The following KDM2B variants were observed in gnomAD, a reference collection of about 807,000 sequenced individuals.
KDM2B encodes the protein lysine demethylase 2B.
A neutral mutation model predicts 150.0 loss-of-function variants in KDM2B; 26 were observed. The observed-to-expected ratio is 0.17, with a 90% CI of 0.13 to 0.24. The LOEUF (loss-of-function observed/expected upper bound fraction) is 0.24. KDM2B is among the 10% of genes least tolerant of loss of function. The probability of loss-of-function intolerance (pLI) is 1.00; values close to 1 mark genes in which losing one functional copy is unlikely to be tolerated. For synonymous variants in KDM2B, 734 were observed against 729.5 expected, an observed-to-expected ratio of 1.01 and a Z score of -0.10; for missense variants, 1,265 against 1,816.9, an observed-to-expected ratio of 0.70 and a Z score of 5.52.
intron 8 of KDM2B, chr12:121,524,616 A>G (rs1164620889): frequency 2.4e-6 from 1 of 410,596 alleles, no homozygotes; most frequent in Non-Finnish European, 4.9e-6. Context: ...CATTACCCAC[A>G]TGCCTCCCTC....
chr12:121,414,270 A>C, the KDM2B span, among the ~76,000 whole-genome samples: 2,387 of 152,360 alleles, frequency 0.016, 49 homozygotes, highest in East Asian at 0.13. Context: ...ATTACCTATC[A>C]CATTATCTAG....
chr12:121,512,852 A>G (rs1549349), intron 10 of KDM2B, among the ~76,000 whole-genome samples: 129,562 of 152,274 alleles, frequency 0.85, 55,758 homozygotes, highest in East Asian at 1. Flanking sequence ...GACAGCCTTG[A>G]GTTTTCAGAG....
At chr12:121,439,632 G>A (rs983585293) in intron 22 of KDM2B, among the ~76,000 whole-genome samples, 2 of 151,914 alleles carry the variant, frequency 1.3e-5, no homozygotes, top group African/African-American at 2.4e-5. Context: ...CACCTGCCTC[G>A]GCCTCCCAAC....
chr12:121,575,739 G>A lies in KDM2B; in HGVS notation c.350+42C>T, dbSNP rs1555316761. 1.5e-6 allele frequency: 2 copies of A among 1,347,354 alleles called. No homozygotes were observed. Among genetic ancestry groups the A allele is most frequent in the Admixed American group, 1.7e-5 (1 of 59,676 alleles). 83.5% of individuals were successfully genotyped at this position (1,347,354 alleles called of 1,614,324 possible). A position where few individuals can be genotyped will look rare whatever the true frequency, so the allele number is the denominator to read the frequency against. On this transcript the variant is annotated intron_variant, in intron 3 of 22. Transcript: ENST00000377071. The surrounding 1 kb of genome is among the most constrained non-coding windows in gnomAD (Gnocchi z 4.4). ...CATCCCAAGCTATAAAGTATGTTAG[G>A]GAGGAAGACGGGGGAAGGAGTGATT...
In KDM2B at chr12:121,536,064, G is replaced by A. The variant is rs1215832168; in HGVS notation, c.684-1474C>T. On this transcript the variant is annotated intron_variant, in intron 6 of 22. Coordinates refer to ENST00000377071, the MANE Select transcript of KDM2B (RefSeq NM_032590.5). ...TTGCCTTTCCATGGTTTGGGGAAGAGGGAAGGAATGGGGCGGGGACGGACA... is the reference window on the plus strand; with the variant it reads ...TTGCCTTTCCATGGTTTGGGGAAGAAGGAAGGAATGGGGCGGGGACGGACA... 4.1e-6 allele frequency: 4 copies of A among 985,846 alleles called. No individual in the cohort carries two copies. In the African/African-American group the frequency reaches 7.0e-5, roughly 17 times the overall value. The allele number at this position is 985,846 out of a possible 1,614,324, so 61.1% of individuals were successfully genotyped here. A position where few individuals can be genotyped will look rare whatever the true frequency, so the allele number is the denominator to read the frequency against.
rs1241220676 is a variant in KDM2B at position 121,509,802 on chromosome 12, C to G, written c.1412G>C (p.Arg471Thr). Residue 471 changes from arginine (R) to threonine (T), a missense_variant, in exon 11 of 23, where the codon AGG (arginine) becomes ACG (threonine). Transcript: ENST00000377071. ...TTCCTCCGACTCATTAGACAAAGTC[C>G]TTTTGAGGAATCGCAGGGCAGGTGC... ...PKAPALRFLK[R>T]TLSNESEESV... 5.6e-6 allele frequency: 9 copies of G among 1,613,988 alleles called. No individual in the cohort carries two copies. Among genetic ancestry groups the G allele is most frequent in the Non-Finnish European group, 7.6e-6 (9 of 1,180,048 alleles).
rs370105782 is a variant in KDM2B at position 121,520,960 on chromosome 12, C to G, written c.1047+25G>C. On this transcript the variant is annotated intron_variant, in intron 9 of 22. Coordinates refer to ENST00000377071, the MANE Select transcript of KDM2B (RefSeq NM_032590.5). The surrounding 1 kb of genome is among the most constrained non-coding windows in gnomAD (Gnocchi z 4.5). ...AGAGCTCAGGGGCCAGGCGCGCACG[C>G]GAGGACAGAAGGGAACCTCCTTACC... 1.6e-5 allele frequency: 25 copies of G among 1,592,982 alleles called. No individual in the cohort carries two copies. The African/African-American group carries it at 2.4e-4, about 15-fold the overall frequency.
At chr12:121,560,238 C>G (rs1202624174) in intron 4 of KDM2B, among the ~76,000 whole-genome samples, 1 of 152,134 alleles carries the variant, frequency 6.6e-6, no homozygotes, top group Non-Finnish European at 1.5e-5. Context: ...CTCCTGGCCT[C>G]AAGTGATCCT....
chr12:121,411,601 C>G, the KDM2B span, among the ~76,000 whole-genome samples: 3 of 152,106 alleles, frequency 2.0e-5, no homozygotes, highest in East Asian at 5.8e-4. Context: ...TTTTGGTTTT[C>G]TTTACCAAGA....
Position 121,575,830 on chromosome 12 carries a change from C to T in KDM2B, c.301G>A (p.Ala101Thr), listed in dbSNP as rs1375410117. The part of the protein sequence containing the change: ...DFNYEYVQRE[A>T]LRVPLIFREK... ...CGAAATATCAGGGGAACCCTGAGAGCTTCTCTCTGTACGTACTCATAGTTG... is the reference window on the plus strand; with the variant it reads ...CGAAATATCAGGGGAACCCTGAGAGTTTCTCTCTGTACGTACTCATAGTTG... The change falls in exon 3 of 23, where the codon GCT becomes ACT. Residue 101 changes from alanine (A) to threonine (T), a missense_variant. Transcript: ENST00000377071. The surrounding 1 kb of genome is among the most constrained non-coding windows in gnomAD (Gnocchi z 4.4). The T allele has an allele frequency of 1.2e-6, 2 of 1,613,448 alleles. No homozygotes were observed. The highest frequency in any genetic ancestry group is 1.7e-6 in the Non-Finnish European group (2 of 1,179,458).
At chr12:121,458,318 C>T (rs1022146539) in intron 12 of KDM2B, among the ~76,000 whole-genome samples, 2 of 152,034 alleles carry the variant, frequency 1.3e-5, no homozygotes, top group Non-Finnish European at 2.9e-5. Context: ...AGAGGTTGCA[C>T]TGAGCTGAGA....
intron 11 of KDM2B, among the ~76,000 whole-genome samples, chr12:121,500,152 T>C (rs1401553487): frequency 1.3e-5 from 2 of 151,988 alleles, no homozygotes; most frequent in African/African-American, 2.4e-5. Flanking sequence ...ATTATTCTAA[T>C]TGGAGATTTC....
chr12:121,560,552 T>G (rs1890260668), intron 4 of KDM2B, among the ~76,000 whole-genome samples: 1 of 151,734 alleles, frequency 6.6e-6, no homozygotes, highest in Non-Finnish European at 1.5e-5. Context: ...GGGGCATTTT[T>G]GGGTCCTTTC....
At chr12:121,482,373 G>A (rs1882249555) in intron 12 of KDM2B, among the ~76,000 whole-genome samples, 1 of 151,998 alleles carries the variant, frequency 6.6e-6, no homozygotes, top group South Asian at 2.1e-4. Context: ...AGCTATCTTG[G>A]CTCACTGCAA....
intron 6 of KDM2B, among the ~76,000 whole-genome samples, chr12:121,548,354 A>C (rs782095432): frequency 6.6e-6 from 1 of 152,268 alleles, no homozygotes; most frequent in African/African-American, 2.4e-5. Context: ...TCTAAGGTAC[A>C]TCAGGTGAGC....
chr12:121,579,113 A>G, intron 1 of KDM2B, 167 bp from the exon 2 acceptor site: 1 of 733,266 alleles, frequency 1.4e-6, no homozygotes, highest in Non-Finnish European at 2.2e-6. Flanking sequence ...AAAGCAGGAC[A>G]AGGAGAGGGG....
rs782590178 is a variant in KDM2B, at chr12:121,444,013, C to T, written c.2450G>A (p.Arg817Gln). The T allele has an allele frequency of 2.1e-5, 33 of 1,607,012 alleles. No homozygotes were observed. Among genetic ancestry groups the T allele is most frequent in the Non-Finnish European group, 2.3e-5 (27 of 1,175,874 alleles). Reference sequence around the variant, plus strand: ...CTCCCAGCCCCTCCTGGTCCGTACCCGCTTGCGTCCACTCAGCTCCTGGGG... The same window carrying T: ...CTCCCAGCCCCTCCTGGTCCGTACCTGCTTGCGTCCACTCAGCTCCTGGGG... ...EKPQELSGRK[R>Q]ASSLQTSPGS... The change falls in exon 16 of 23, where the codon CGG becomes CAG. Residue 817 changes from arginine to glutamine, a missense_variant and splice_region_variant. Arg to Gln is a conservative substitution (Grantham distance 43). Transcript: ENST00000377071.
intron 14 of KDM2B, chr12:121,444,910 C>T: frequency 2.4e-6 from 1 of 421,390 alleles, no homozygotes; most frequent in Non-Finnish European, 4.4e-6. Flanking sequence ...CTACTGGGTG[C>T]TGGGGGAAGG....
At position 121,444,592 on chromosome 12, in the gene KDM2B, C is replaced by T. The variant is rs73224262; in HGVS notation, c.2104-56G>A. 6.3e-3 allele frequency: 9,124 copies of T among 1,455,936 alleles called. 54 individuals are homozygous for T. Among genetic ancestry groups the T allele is most frequent in the Non-Finnish European group, 7.5e-3 (7,781 of 1,037,402 alleles). The allele number at this position is 1,455,936 out of a possible 1,614,324, so 90.2% of individuals were successfully genotyped here. ...ACGGGCGGAGAAGATGGCCCACGGG[C>T]ACAAGGCTCTGTGACGCCACGTCTT... is the stretch of plus-strand genomic sequence containing the variant. On this transcript the variant is annotated intron_variant, in intron 14 of 22. Coordinates refer to ENST00000377071, the MANE Select transcript of KDM2B (RefSeq NM_032590.5).
Sources: gnomAD v4.1 joint callset for allele counts (sites outside exome capture counted in the v4.1 genomes callset) on GRCh38, gnomAD v4.1.1 for gene constraint, Gnocchi (gnomAD v3.1) non-coding constraint, MANE v1.5 for transcripts, NCBI Gene and HGNC (gene_info 2026-07-23, HGNC 2026-07-21) for gene names.